Variants in MAGI2 observed in about 807,000 individuals in gnomAD.
MAGI2 encodes the protein membrane associated guanylate kinase, WW and PDZ domain containing 2, also known as membrane-associated guanylate kinase, WW and PDZ domain-containing protein 2.
In MAGI2, 35 loss-of-function variants were observed where a neutral mutation model predicts 133.3. The observed-to-expected ratio is 0.26, with a 90% CI of 0.20 to 0.35. The LOEUF (loss-of-function observed/expected upper bound fraction) is 0.35. MAGI2 is among the 10% of genes least tolerant of loss of function. The probability of loss-of-function intolerance (pLI) is 1.00; values close to 1 mark genes in which losing one functional copy is unlikely to be tolerated. For synonymous variants in MAGI2, 729 were observed against 710.6 expected, an observed-to-expected ratio of 1.03 and a Z score of -0.41; for missense variants, 1,636 against 1,863.4, an observed-to-expected ratio of 0.88 and a Z score of 2.25.
rs533746081 is a variant in MAGI2, at chr7:78,744,211, A to G, written c.419-116972T>C. Among the ~76,000 whole-genome samples, 341 of 152,282 alleles carry G rather than the reference A, an allele frequency of 2.2e-3. 2 individuals carry two copies. Among genetic ancestry groups the G allele is most frequent in the Non-Finnish European group, 4.0e-3 (273 of 68,004 alleles). Reference sequence around the variant, plus strand: ...TCGTCATAGAATTTCTTTATGAATGAGTCAAATTTTTTCCACGCTAATTTT... The same window carrying G: ...TCGTCATAGAATTTCTTTATGAATGGGTCAAATTTTTTCCACGCTAATTTT... On this transcript the variant is annotated intron_variant, in intron 2 of 21. Coordinates refer to ENST00000354212, the MANE Select transcript of MAGI2 (RefSeq NM_012301.4).
At chr7:78,623,403 G>T (rs1485488288) in intron 3 of MAGI2, among the ~76,000 whole-genome samples, 1 of 151,966 alleles carries the variant, frequency 6.6e-6, no homozygotes, top group Non-Finnish European at 1.5e-5. Flanking sequence ...TCTGTAAAAT[G>T]TATTATTTAA....
chr7:78,659,104 A>T (rs746863055), intron 2 of MAGI2, among the ~76,000 whole-genome samples: 3 of 152,194 alleles, frequency 2.0e-5, no homozygotes, highest in Non-Finnish European at 4.4e-5. Context: ...GAACTATGGT[A>T]CAACCATACC....
intron 1 of MAGI2, among the ~76,000 whole-genome samples, chr7:79,251,904 C>T (rs1167525189): frequency 6.6e-6 from 1 of 151,830 alleles, no homozygotes; most frequent in African/African-American, 2.4e-5. Context: ...TGCCTGTAAT[C>T]CCAGCACTTT....
At chr7:78,497,726 ATC>A (rs1794225053) in intron 5 of MAGI2, among the ~76,000 whole-genome samples, 2 of 87,604 alleles carry the variant, frequency 2.3e-5, no homozygotes, top group East Asian at 8.0e-4. Flanking sequence ...TAACTATTCT[ATC>A]TATCTATCTA....
intron 2 of MAGI2, among the ~76,000 whole-genome samples, chr7:78,965,534 C>T (rs903707408): frequency 2.0e-5 from 3 of 151,748 alleles, no homozygotes; most frequent in Non-Finnish European, 2.9e-5. Context: ...CTGTACATTT[C>T]GTTAGCCTAG....
chr7:79,433,698 T>A (rs1313836380), intron 1 of MAGI2, among the ~76,000 whole-genome samples: 1 of 152,150 alleles, frequency 6.6e-6, no homozygotes, highest in African/African-American at 2.4e-5. Flanking sequence ...TATTTTTAAA[T>A]TGTTGCCCCT....
intron 3 of MAGI2, among the ~76,000 whole-genome samples, chr7:78,573,205 AATAT>A (rs1228998289): frequency 2.4e-5 from 2 of 84,506 alleles, no homozygotes; most frequent in Non-Finnish European, 4.2e-5. Context: ...TATATATATA[AATAT>A]ATATATAAAT....
intron 2 of MAGI2, among the ~76,000 whole-genome samples, chr7:78,804,748 C>CAAAAAAAAAAAAAAAA (rs373472835): frequency 7.2e-5 from 7 of 97,736 alleles, no homozygotes; most frequent in African/African-American, 3.3e-4. Flanking sequence ...GACTCTGTCT[C>CAAAAAAAAAAAAAAAA]AAAAAAAAAA....
At chr7:79,371,387 A>G (rs1843038178) in intron 1 of MAGI2, among the ~76,000 whole-genome samples, 1 of 152,190 alleles carries the variant, frequency 6.6e-6, no homozygotes, top group Non-Finnish European at 1.5e-5. Context: ...AAAAGGAAAA[A>G]AAAATAACTT....
chr7:79,273,581 G>T (rs74567284), intron 1 of MAGI2, among the ~76,000 whole-genome samples: 1 of 151,820 alleles, frequency 6.6e-6, no homozygotes, highest in Admixed American at 6.6e-5. Flanking sequence ...CCATTTTGTC[G>T]TCAGAATTGT....
chr7:79,013,310 A>G (rs1181781029), intron 1 of MAGI2, among the ~76,000 whole-genome samples: 4 of 152,152 alleles, frequency 2.6e-5, no homozygotes, highest in Non-Finnish European at 5.9e-5. Flanking sequence ...ATCTTACATC[A>G]TCAGTAGACA....
At chr7:78,635,606 G>T (rs1475351382) in intron 2 of MAGI2, among the ~76,000 whole-genome samples, 1 of 152,216 alleles carries the variant, frequency 6.6e-6, no homozygotes, top group African/African-American at 2.4e-5. Flanking sequence ...AATGAATTCT[G>T]TTCTTATTCA....
intron 1 of MAGI2, among the ~76,000 whole-genome samples, chr7:79,198,501 G>A (rs1248509684): frequency 6.6e-6 from 1 of 151,956 alleles, no homozygotes; most frequent in African/African-American, 2.4e-5. Flanking sequence ...CAGGATACAA[G>A]CATCTTAATT....
chr7:78,263,464 G>A (rs1310660295), intron 9 of MAGI2, among the ~76,000 whole-genome samples: 1 of 152,148 alleles, frequency 6.6e-6, no homozygotes, highest in Non-Finnish European at 1.5e-5. Flanking sequence ...GCTCCCTGAT[G>A]TCACAGAGGG....
intron 9 of MAGI2, among the ~76,000 whole-genome samples, chr7:78,284,838 T>C (rs1202221161): frequency 6.6e-6 from 1 of 152,128 alleles, no homozygotes; most frequent in Non-Finnish European, 1.5e-5. Context: ...CAAAACACTG[T>C]TATGTTTGAG....
chr7:79,174,469 T>C (rs1242298270), intron 1 of MAGI2, among the ~76,000 whole-genome samples: 1 of 151,932 alleles, frequency 6.6e-6, no homozygotes, highest in East Asian at 1.9e-4. Context: ...GATGAGAACA[T>C]GACAAACTGG....
chr7:78,377,335 G>T (rs1794533541), intron 6 of MAGI2, among the ~76,000 whole-genome samples: 1 of 152,054 alleles, frequency 6.6e-6, no homozygotes, highest in African/African-American at 2.4e-5. Flanking sequence ...GTAGGGTGTA[G>T]CAGGTGTGAG....
intron 20 of MAGI2, among the ~76,000 whole-genome samples, chr7:78,080,248 G>A (rs560507825): frequency 7.7e-4 from 118 of 152,312 alleles, no homozygotes; most frequent in African/African-American, 2.7e-3. Flanking sequence ...AAGTGGTAAG[G>A]GTTCCACTGT....
intron 9 of MAGI2, among the ~76,000 whole-genome samples, chr7:78,324,589 A>AT (rs34066250): frequency 0.19 from 29,316 of 152,218 alleles, 3,773 homozygotes; most frequent in Middle Eastern, 0.31. Context: ...CAATGTCAAT[A>AT]AACTCTCAGT....
Sources: gnomAD v4.1 joint callset for allele counts (sites outside exome capture counted in the v4.1 genomes callset) on GRCh38, gnomAD v4.1.1 for gene constraint, MANE v1.5 for transcripts, NCBI Gene and HGNC (gene_info 2026-07-23, HGNC 2026-07-21) for gene names.